RBFOX1: variants seen among roughly 807,000 people sequenced by gnomAD.
The protein encoded by RBFOX1 is RNA binding protein fox-1 homolog 1.
A neutral mutation model predicts 57.7 loss-of-function variants in RBFOX1; 8 were observed. That is an observed-to-expected ratio of 0.14 (90% CI 0.08 to 0.25). The LOEUF is 0.25. RBFOX1 is among the 10% of genes least tolerant of loss of function. The probability of loss-of-function intolerance (pLI) is 1.00; values close to 1 mark genes in which losing one functional copy is unlikely to be tolerated. For missense variants in RBFOX1, 611 were observed against 548.5 expected, an observed-to-expected ratio of 1.11 and a Z score of -1.14; for synonymous variants, 326 against 222.4, an observed-to-expected ratio of 1.47 and a Z score of -4.15.
chr16:6,866,724 A>T (rs977863445), intron 3 of RBFOX1, among the ~76,000 whole-genome samples: 2 of 151,428 alleles, frequency 1.3e-5, no homozygotes, highest in Non-Finnish European at 2.9e-5. Context: ...TTGTATTTTT[A>T]GTAGAGAAGG....
At chr16:7,424,761 C>G (rs1219732126) in intron 4 of RBFOX1, among the ~76,000 whole-genome samples, 1 of 152,056 alleles carries the variant, frequency 6.6e-6, no homozygotes, top group African/African-American at 2.4e-5. Context: ...TAAAAGCAAG[C>G]AAACAAACAA....
intron 1 of RBFOX1, among the ~76,000 whole-genome samples, chr16:6,230,730 G>A (rs1330653398): frequency 1.3e-5 from 2 of 152,186 alleles, no homozygotes; most frequent in African/African-American, 4.8e-5. Flanking sequence ...GATAGCTTAA[G>A]GAAAGAGCTG....
intron 4 of RBFOX1, among the ~76,000 whole-genome samples, chr16:7,450,320 G>A (rs2098841764): frequency 1.4e-5 from 2 of 147,288 alleles, no homozygotes; most frequent in South Asian, 4.4e-4. Flanking sequence ...CCTGAACCAG[G>A]GAGTCGGAGG....
intron 1 of RBFOX1, among the ~76,000 whole-genome samples, chr16:5,297,379 T>G (rs1289541432): frequency 6.6e-6 from 1 of 152,234 alleles, no homozygotes; most frequent in African/African-American, 2.4e-5. Flanking sequence ...TATGCAAGCA[T>G]TCTCTTGCAT....
intron 1 of RBFOX1, among the ~76,000 whole-genome samples, chr16:6,238,377 A>G (rs995957881): frequency 2.0e-5 from 3 of 152,118 alleles, no homozygotes; most frequent in African/African-American, 7.2e-5. Flanking sequence ...ACATCTTAAT[A>G]TATGTTAATT....
chr16:6,348,575 C>T lies in RBFOX1; in HGVS notation c.-64+31518C>T, dbSNP rs6500773. On this transcript the variant is annotated intron_variant, in intron 2 of 15. Transcript: ENST00000550418. Reference sequence around the variant, plus strand: ...TTGGATCATGGTTCTGCACGCTGTACAGGAAAGATGGCAGAATCTGCATCT... The same window carrying T: ...TTGGATCATGGTTCTGCACGCTGTATAGGAAAGATGGCAGAATCTGCATCT... Among the ~76,000 whole-genome samples, 964 of 152,204 alleles carry T rather than the reference C, an allele frequency of 6.3e-3. 13 individuals carry two copies. The highest frequency in any genetic ancestry group is 0.022 in the African/African-American group (909 of 41,530).
chr16:6,026,929 C>G (rs1004032096), intron 1 of RBFOX1, among the ~76,000 whole-genome samples: 1 of 152,238 alleles, frequency 6.6e-6, no homozygotes, highest in Admixed American at 6.5e-5. Context: ...GTGCAAACCA[C>G]TGCTCACTCC....
intron 3 of RBFOX1, among the ~76,000 whole-genome samples, chr16:5,732,153 A>G: frequency 6.6e-6 from 1 of 152,216 alleles, no homozygotes; most frequent in East Asian, 1.9e-4. Context: ...GCGGCATTTC[A>G]GCATTTGATA....
intron 1 of RBFOX1, among the ~76,000 whole-genome samples, chr16:5,305,088 G>A (rs2063900725): frequency 6.6e-6 from 1 of 152,126 alleles, no homozygotes; most frequent in African/African-American, 2.4e-5. Context: ...TTGCAAGGGG[G>A]TAGATACTGA....
At chr16:6,834,290 G>T (rs1193554494) in intron 3 of RBFOX1, among the ~76,000 whole-genome samples, 7 of 151,964 alleles carry the variant, frequency 4.6e-5, no homozygotes, top group African/African-American at 1.7e-4. Context: ...TGGCCAGGCT[G>T]GTCTCAAACT....
chr16:6,680,013 A>C (rs2154120600), intron 3 of RBFOX1, among the ~76,000 whole-genome samples: 1 of 151,634 alleles, frequency 6.6e-6, no homozygotes, highest in South Asian at 2.1e-4. Context: ...TATACTCCCA[A>C]ATATGACAGA....
chr16:5,444,016 G>T (rs2151546401), intron 1 of RBFOX1, among the ~76,000 whole-genome samples: 1 of 152,232 alleles, frequency 6.6e-6, no homozygotes, highest in Non-Finnish European at 1.5e-5. Flanking sequence ...AGAAAACCGA[G>T]GTGATTTTCA....
At chr16:7,607,373 T>C in intron 10 of RBFOX1, 35 bp downstream of exon 10, 1 of 1,587,834 alleles carries the variant, frequency 6.3e-7, no homozygotes, top group Non-Finnish European at 8.6e-7. Context: ...GTCTTCTCAG[T>C]CTTTTCTAAA....
intron 3 of RBFOX1, among the ~76,000 whole-genome samples, chr16:5,772,309 TAG>T (rs907798539): frequency 4.5e-4 from 68 of 152,266 alleles, no homozygotes; most frequent in African/African-American, 1.5e-3. Context: ...TCCCTCCATG[TAG>T]AGTCTGTACG....
chr16:6,318,947 C>A (rs1010666397), intron 2 of RBFOX1, among the ~76,000 whole-genome samples: 18 of 151,664 alleles, frequency 1.2e-4, no homozygotes, highest in Admixed American at 9.2e-4. Context: ...ATACAGCAAA[C>A]CTCAATCCCC....
chr16:6,389,577 A>G (rs1381441101), intron 2 of RBFOX1, among the ~76,000 whole-genome samples: 1 of 152,200 alleles, frequency 6.6e-6, no homozygotes, highest in Non-Finnish European at 1.5e-5. Flanking sequence ...GGAACCTGTG[A>G]TCTTTTAATC....
At chr16:5,479,566 C>G (rs1398083200) in intron 2 of RBFOX1, among the ~76,000 whole-genome samples, 5 of 152,038 alleles carry the variant, frequency 3.3e-5, no homozygotes, top group Non-Finnish European at 7.4e-5. Context: ...CCAGACCAGC[C>G]TGGCCAACAT....
In RBFOX1 at chr16:7,610,970, A is replaced by C. The variant is rs189882394; in HGVS notation, c.676+3632A>C. Among the ~76,000 whole-genome samples the C allele has an allele frequency of 2.6e-5, 4 of 152,014 alleles. No individual in the cohort carries two copies. The South Asian group carries it at 8.3e-4, about 32-fold the overall frequency. ...AGTGTGCCTCAAAGCTGAAATGAAG[A>C]CCCCTTGTCATTGATTTGCTTTGTA... On this transcript the variant is annotated intron_variant, in intron 10 of 15. Coordinates refer to ENST00000550418, the MANE Select transcript of RBFOX1 (RefSeq NM_018723.4).
At chr16:6,377,348 G>T (rs921988081) in intron 2 of RBFOX1, among the ~76,000 whole-genome samples, 6 of 151,614 alleles carry the variant, frequency 4.0e-5, no homozygotes, top group Non-Finnish European at 8.8e-5. Flanking sequence ...AATTCCATAT[G>T]AACTCATCTT....
Sources: gnomAD v4.1 joint callset for allele counts (sites outside exome capture counted in the v4.1 genomes callset) on GRCh38, gnomAD v4.1.1 for gene constraint, MANE v1.5 for transcripts, NCBI Gene and HGNC (gene_info 2026-07-23, HGNC 2026-07-21) for gene names.